The following TDRD7 variants were observed in gnomAD, a reference collection of about 807,000 sequenced individuals.
TDRD7 encodes the protein tudor domain-containing protein 7.
TDRD7 carries 47 observed loss-of-function variants against 109.8 expected under a neutral mutation model. The observed-to-expected ratio is 0.43, with a 90% CI of 0.34 to 0.55. TDRD7 has a LOEUF of 0.55. Ranked by LOEUF, TDRD7 falls within the 20% of genes least tolerant of loss-of-function variation. The pLI, the probability that TDRD7 is intolerant of heterozygous loss-of-function variation, is 0.03. For synonymous variants in TDRD7, 424 were observed against 457.3 expected (o/e 0.93, Z 0.93); for missense variants, 1,164 against 1,319.2 (o/e 0.88, Z 1.82).
chr9:97,419,628 C>T (rs1387569243), intron 1 of TDRD7, among the ~76,000 whole-genome samples: 2 of 152,200 alleles, frequency 1.3e-5, no homozygotes, highest in Non-Finnish European at 2.9e-5. Flanking sequence ...AGTTCTCTGT[C>T]TCTGCCATGA....
At chr9:97,470,379 GTCTCAGC>G (rs950722998) in intron 8 of TDRD7, among the ~76,000 whole-genome samples, 172 bp from the exon 9 acceptor site, 9 of 152,138 alleles carry the variant, frequency 5.9e-5, no homozygotes, top group African/African-American at 2.2e-4. Context: ...GGTTTCCTTG[GTCTCAGC>G]TCCAGCCTTT....
rs141800680 is a variant in TDRD7 at position 97,456,693 on chromosome 9, A to T, written c.856-3485A>T. 4.8e-3 allele frequency among the ~76,000 whole-genome samples: 736 copies of T among 152,332 alleles called. 8 individuals are homozygous for T. The highest frequency in any genetic ancestry group is 0.017 in the African/African-American group (694 of 41,576). ...TAACTCAGGATGAATTAAAGACTTA[A>T]ATGTAAAACCCCAAACCATAAAAAC... On this transcript the variant is annotated intron_variant, in intron 6 of 16. Transcript: ENST00000355295.
At chr9:97,446,377 A>G (rs1828401280) in intron 6 of TDRD7, among the ~76,000 whole-genome samples, 1 of 152,198 alleles carries the variant, frequency 6.6e-6, no homozygotes, top group Non-Finnish European at 1.5e-5. Context: ...TAGCTGGGAA[A>G]CATTCTATGT....
rs1829222555 is a variant in TDRD7 at position 97,487,043 on chromosome 9, A to C, written c.2916-129A>C. 3 of 1,082,490 alleles carry C rather than the reference A, an allele frequency of 2.8e-6. No homozygotes were observed. In the South Asian group the frequency reaches 4.4e-5, roughly 16 times the overall value. 67.1% of individuals were successfully genotyped at this position (1,082,490 alleles called of 1,614,324 possible). ...AAATGCTTTTAAAACTTTTTTGAAAATATAGTTTTAAATTTTGATAAACAT... is the reference window on the plus strand; with the variant it reads ...AAATGCTTTTAAAACTTTTTTGAAACTATAGTTTTAAATTTTGATAAACAT... On this transcript the variant is annotated intron_variant, in intron 15 of 16. Transcript: ENST00000355295.
intron 6 of TDRD7, among the ~76,000 whole-genome samples, chr9:97,450,050 T>C (rs573190603): frequency 8.6e-5 from 13 of 151,974 alleles, no homozygotes; most frequent in African/African-American, 3.1e-4. Context: ...CTTACGGGAA[T>C]AGAAAGTTTA....
At chr9:97,467,035 T>C (rs548150298) in intron 8 of TDRD7, among the ~76,000 whole-genome samples, 1 of 152,356 alleles carries the variant, frequency 6.6e-6, no homozygotes, top group East Asian at 1.9e-4. Context: ...GCACTAGTCC[T>C]GAGTCTGCCT....
chr9:97,494,988 G>A (rs1025003190), intron 16 of TDRD7, among the ~76,000 whole-genome samples: 5 of 152,128 alleles, frequency 3.3e-5, no homozygotes, highest in African/African-American at 1.2e-4. Flanking sequence ...TGGGATTACA[G>A]GTGTGAGCCA....
intron 6 of TDRD7, among the ~76,000 whole-genome samples, chr9:97,459,068 G>A (rs543141348): frequency 6.6e-6 from 1 of 152,300 alleles, no homozygotes; most frequent in South Asian, 2.1e-4. Flanking sequence ...TGACAAAATA[G>A]AAATATTTTG....
chr9:97,435,188 GA>G (rs1828172191), intron 4 of TDRD7, among the ~76,000 whole-genome samples: 1 of 152,032 alleles, frequency 6.6e-6, no homozygotes, highest in Non-Finnish European at 1.5e-5. Context: ...AATAAGCTCT[GA>G]ATTGTACTAT....
At chr9:97,440,436 T>C (rs1828283060) in intron 5 of TDRD7, among the ~76,000 whole-genome samples, 15 of 152,226 alleles carry the variant, frequency 9.9e-5, no homozygotes, top group Admixed American at 9.8e-4. Context: ...TATGGGAAGG[T>C]CTGGCCAGTT....
rs763341587 is a variant in TDRD7 at position 97,487,162 on chromosome 9, G to A, written c.2916-10G>A. ...GTTTTCTCTTCCTTTTTAATTTAAT[G>A]TACATCTAGGTGGCACAGGGTGCTT... On this transcript the variant is annotated splice_polypyrimidine_tract_variant and intron_variant, in intron 15 of 16. Coordinates refer to ENST00000355295, the MANE Select transcript of TDRD7 (RefSeq NM_014290.3). 5 of 1,613,698 alleles carry A rather than the reference G, an allele frequency of 3.1e-6. No homozygotes were observed. Among genetic ancestry groups the A allele is most frequent in the African/African-American group, 1.3e-5 (1 of 74,958 alleles).
chr9:97,467,911 C>A (rs559226983), intron 8 of TDRD7, among the ~76,000 whole-genome samples: 2 of 152,262 alleles, frequency 1.3e-5, no homozygotes, highest in Admixed American at 1.3e-4. Flanking sequence ...GGACACTGAC[C>A]TGTTGGAAGT....
intron 4 of TDRD7, among the ~76,000 whole-genome samples, chr9:97,436,374 A>G (rs1445680209): frequency 6.6e-6 from 1 of 152,004 alleles, no homozygotes; most frequent in Non-Finnish European, 1.5e-5. Flanking sequence ...TTTGTCATAT[A>G]TTTTTTAGCC....
intron 12 of TDRD7, among the ~76,000 whole-genome samples, chr9:97,477,967 A>G (rs927386154): frequency 3.3e-5 from 5 of 152,136 alleles, no homozygotes; most frequent in Non-Finnish European, 5.9e-5. Flanking sequence ...CTCTAAAACA[A>G]TGTTTAGTAG....
chr9:97,480,862 C>A lies in TDRD7; in HGVS notation c.2336C>A (p.Ser779Tyr). The change falls in exon 14 of 17, where the codon TCT becomes TAT. Residue 779 changes from serine (S) to tyrosine (Y), a missense_variant. By Grantham distance (144) the Ser-to-Tyr change is moderately radical. Transcript: ENST00000355295. Reference sequence around the variant, plus strand: ...TGCTGTTTAGCAGATCTTCCACAATCTATTGGCATGTGGACACCAGATGCA... The same window carrying A: ...TGCTGTTTAGCAGATCTTCCACAATATATTGGCATGTGGACACCAGATGCA... The part of the protein sequence containing the change: ...IKCCLADLPQ[S>Y]IGMWTPDAVL... 1 of 1,614,102 alleles carries A rather than the reference C, an allele frequency of 6.2e-7. No individual in the cohort carries two copies. Among genetic ancestry groups the A allele is most frequent in the Non-Finnish European group, 8.5e-7 (1 of 1,179,964 alleles).
intron 4 of TDRD7, among the ~76,000 whole-genome samples, chr9:97,435,520 CA>C (rs1828179745): frequency 6.6e-6 from 1 of 150,788 alleles, no homozygotes; most frequent in African/African-American, 2.4e-5. Flanking sequence ...CCTGTAGTCT[CA>C]GCTGCTTGAG....
At chr9:97,485,583 C>T (rs148883058) in intron 15 of TDRD7, among the ~76,000 whole-genome samples, 8 of 152,338 alleles carry the variant, frequency 5.3e-5, no homozygotes, top group East Asian at 3.9e-4. Flanking sequence ...TAGCAACCTA[C>T]ACCGAAAGTG....
intron 3 of TDRD7, 132 bp from the exon 4 acceptor site, chr9:97,431,893 C>A: frequency 1.2e-6 from 1 of 847,694 alleles, no homozygotes; most frequent in South Asian, 1.3e-5. Context: ...CCTCCAGTGG[C>A]AACCTCCTCG....
chr9:97,432,040 C>A lies in TDRD7; in HGVS notation c.365C>A (p.Thr122Asn). ...PFFLEGKPKATLRQPGFASNF... is the reference protein window; with the variant it reads ...PFFLEGKPKANLRQPGFASNF... ...AACTTCATAGGAAAACCAAAAGCAA[C>A]CCTCAGACAACCAGGATTTGCTTCA... The change falls in exon 4 of 17, where the codon ACC (threonine) becomes AAC (asparagine). Residue 122 changes from threonine to asparagine, a missense_variant. Thr to Asn is a moderately conservative substitution (Grantham distance 65, BLOSUM62 0). Coordinates refer to ENST00000355295, the MANE Select transcript of TDRD7 (RefSeq NM_014290.3). 6.2e-7 allele frequency: 1 copy of A among 1,613,770 alleles called. No homozygotes were observed. The highest frequency in any genetic ancestry group is 1.7e-4 in the Middle Eastern group (1 of 6,056).
Sources: gnomAD v4.1 joint callset for allele counts (sites outside exome capture counted in the v4.1 genomes callset) on GRCh38, gnomAD v4.1.1 for gene constraint, MANE v1.5 for transcripts, NCBI Gene and HGNC (gene_info 2026-07-23, HGNC 2026-07-21) for gene names.